The following LRRC4C variants were observed in gnomAD, a reference collection of about 807,000 sequenced individuals.
The protein encoded by LRRC4C is leucine rich repeat containing 4C.
A neutral mutation model predicts 33.6 loss-of-function variants in LRRC4C; 5 were observed. That is an observed-to-expected ratio of 0.15 (90% CI 0.08 to 0.31). The LOEUF is 0.31. Ranked by LOEUF, LRRC4C falls within the 10% of genes least tolerant of loss-of-function variation. LRRC4C has a pLI of 1.00. For missense variants in LRRC4C, 560 were observed against 796.7 expected (o/e 0.70, Z 3.58); for synonymous variants, 329 against 302.0 (o/e 1.09, Z -0.93).
chr11:40,392,566 G>A (rs1317634259), intron 3 of LRRC4C, among the ~76,000 whole-genome samples: 1 of 152,020 alleles, frequency 6.6e-6, no homozygotes, highest in East Asian at 1.9e-4. Flanking sequence ...CAGGTGTTTT[G>A]GAAGACATGG....
chr11:41,235,897 C>G (rs1948001123), intron 1 of LRRC4C, among the ~76,000 whole-genome samples: 1 of 152,104 alleles, frequency 6.6e-6, no homozygotes, highest in African/African-American at 2.4e-5. Context: ...GAGGTAGATA[C>G]TCCAGCTGCC....
chr11:40,399,073 T>G (rs950899729), intron 3 of LRRC4C, among the ~76,000 whole-genome samples: 6 of 152,068 alleles, frequency 3.9e-5, no homozygotes, highest in African/African-American at 1.2e-4. Context: ...AATCATACAC[T>G]TAGAATGATT....
At chr11:41,169,356 T>A (rs964594917) in intron 1 of LRRC4C, among the ~76,000 whole-genome samples, 8 of 152,146 alleles carry the variant, frequency 5.3e-5, no homozygotes, top group Non-Finnish European at 1.0e-4. Flanking sequence ...TCGAGTTAAT[T>A]CACATGTAAT....
At chr11:40,489,252 T>C (rs1954023561) in intron 3 of LRRC4C, among the ~76,000 whole-genome samples, 1 of 152,136 alleles carries the variant, frequency 6.6e-6, no homozygotes, top group African/African-American at 2.4e-5. Context: ...TCCATTCTCT[T>C]CACTGCTTTC....
At chr11:40,601,725 A>G (rs1325043150) in intron 3 of LRRC4C, among the ~76,000 whole-genome samples, 1 of 152,224 alleles carries the variant, frequency 6.6e-6, no homozygotes, top group Non-Finnish European at 1.5e-5. Context: ...TATAAATTAC[A>G]TGACAAGATT....
chr11:40,975,125 T>C (rs1851992194), intron 1 of LRRC4C, among the ~76,000 whole-genome samples: 1 of 152,224 alleles, frequency 6.6e-6, no homozygotes, highest in Admixed American at 6.5e-5. Context: ...TATACTTTTA[T>C]CTATGTATCC....
chr11:40,820,204 T>G (rs1951873673), intron 2 of LRRC4C, among the ~76,000 whole-genome samples: 1 of 152,078 alleles, frequency 6.6e-6, no homozygotes, highest in Admixed American at 6.6e-5. Flanking sequence ...CATGTTTGAT[T>G]TAGCAGACAA....
chr11:41,428,757 T>C (rs1590251291), intron 1 of LRRC4C, among the ~76,000 whole-genome samples: 1 of 152,154 alleles, frequency 6.6e-6, no homozygotes, highest in East Asian at 1.9e-4. Flanking sequence ...TCCCCACAAG[T>C]ATTTAATCAC....
At chr11:40,570,765 A>T (rs72886940) in intron 3 of LRRC4C, among the ~76,000 whole-genome samples, 1,636 of 152,178 alleles carry the variant, frequency 0.011, 24 homozygotes, top group African/African-American at 0.026. Flanking sequence ...TTCTCTTATC[A>T]TCCAAGACGC....
At chr11:40,373,402 C>T (rs750496698) in intron 3 of LRRC4C, among the ~76,000 whole-genome samples, 20 of 151,874 alleles carry the variant, frequency 1.3e-4, no homozygotes, top group Admixed American at 9.8e-4. Flanking sequence ...TGAGAGAAGA[C>T]ATTTGCAATA....
At chr11:40,488,042 G>A (rs916196396) in intron 3 of LRRC4C, among the ~76,000 whole-genome samples, 4 of 152,078 alleles carry the variant, frequency 2.6e-5, no homozygotes, top group Admixed American at 1.3e-4. Flanking sequence ...CACATAGCAA[G>A]TAAATATTAA....
At chr11:41,407,527 C>T (rs567339541) in intron 1 of LRRC4C, among the ~76,000 whole-genome samples, 1 of 152,190 alleles carries the variant, frequency 6.6e-6, no homozygotes, top group African/African-American at 2.4e-5. Flanking sequence ...ATCTTGAGCT[C>T]CTGGCCTCAA....
chr11:40,690,492 G>A (rs1945173855), intron 2 of LRRC4C, among the ~76,000 whole-genome samples: 2 of 152,072 alleles, frequency 1.3e-5, no homozygotes, highest in Admixed American at 6.6e-5. Flanking sequence ...GAGTTGGAAA[G>A]CTTTATAGGC....
intron 1 of LRRC4C, among the ~76,000 whole-genome samples, chr11:41,455,780 T>G (rs998197175): frequency 2.6e-5 from 4 of 152,164 alleles, no homozygotes; most frequent in Non-Finnish European, 4.4e-5. Context: ...AATAGTTATT[T>G]CCAAATTATA....
At chr11:41,209,221 A>G (rs1175294795) in intron 1 of LRRC4C, among the ~76,000 whole-genome samples, 1 of 149,772 alleles carries the variant, frequency 6.7e-6, no homozygotes, top group Non-Finnish European at 1.5e-5. Context: ...TATTAAATAT[A>G]TACTAATATT....
At chr11:40,558,932 C>T (rs984104587) in intron 3 of LRRC4C, among the ~76,000 whole-genome samples, 8 of 152,042 alleles carry the variant, frequency 5.3e-5, no homozygotes, top group African/African-American at 7.2e-5. Flanking sequence ...CATTTAGCTC[C>T]GACTTGTAAG....
intron 1 of LRRC4C, among the ~76,000 whole-genome samples, chr11:41,224,944 C>T (rs916561485): frequency 6.6e-6 from 1 of 152,026 alleles, no homozygotes; most frequent in Non-Finnish European, 1.5e-5. Context: ...ACTATTCAGC[C>T]ATAAAAAGAA....
At chr11:41,100,008 C>CA (rs756548206) in intron 1 of LRRC4C, among the ~76,000 whole-genome samples, 1 of 151,450 alleles carries the variant, frequency 6.6e-6, no homozygotes, top group Non-Finnish European at 1.5e-5. Flanking sequence ...TACCCCCTCC[C>CA]AAAAAAAAGT....
intron 1 of LRRC4C, among the ~76,000 whole-genome samples, chr11:41,168,789 A>T (rs1944842742): frequency 6.6e-6 from 1 of 152,112 alleles, no homozygotes; most frequent in Non-Finnish European, 1.5e-5. Flanking sequence ...AGTACTCTTC[A>T]GCGGTTGCCT....
Sources: allele counts gnomAD v4.1 joint callset (sites outside exome capture counted in the v4.1 genomes callset), GRCh38; gene constraint gnomAD v4.1.1; transcripts MANE v1.5; gene names NCBI Gene and HGNC (gene_info 2026-07-23, HGNC 2026-07-21).